SCHIP1: variants seen among roughly 807,000 people sequenced by gnomAD.
SCHIP1 encodes schwannomin-interacting protein 1.
SCHIP1 carries 8 observed loss-of-function variants against 29.7 expected under a neutral mutation model. The observed-to-expected ratio is 0.27, with a 90% CI of 0.16 to 0.49. The LOEUF is 0.49. Among genes scored for constraint, SCHIP1 ranks in the 20% least tolerant of loss-of-function variants. The pLI, the probability that SCHIP1 is intolerant of heterozygous loss-of-function variation, is 0.99. For synonymous variants in SCHIP1, 76 were observed against 94.9 expected, an observed-to-expected ratio of 0.80 and a Z score of 1.16; for missense variants, 193 against 294.6, an observed-to-expected ratio of 0.66 and a Z score of 2.52.
chr3:159,579,990 A>G, the SCHIP1 span, among the ~76,000 whole-genome samples: 4 of 152,214 alleles, frequency 2.6e-5, no homozygotes, highest in Non-Finnish European at 5.9e-5. Flanking sequence ...ACTTGTGTTC[A>G]GATTTCAGAA....
the SCHIP1 span, among the ~76,000 whole-genome samples, chr3:159,705,673 G>A: frequency 6.6e-6 from 1 of 152,122 alleles, no homozygotes; most frequent in Admixed American, 6.5e-5. Flanking sequence ...CAGGATGGAT[G>A]TGAGAATGCC....
chr3:159,432,331 TGTGTGTGTGAGAGAGAGAGA>T, the SCHIP1 span, among the ~76,000 whole-genome samples: 1 of 90,258 alleles, frequency 1.1e-5, no homozygotes, highest in Non-Finnish European at 2.6e-5. Context: ...TGTGTGTGTG[TGTGTGTGTGAGAGAGAGAGA>T]GAGAGAGAGA....
the SCHIP1 span, among the ~76,000 whole-genome samples, chr3:159,528,936 C>A: frequency 6.6e-6 from 1 of 152,156 alleles, no homozygotes; most frequent in African/African-American, 2.4e-5. Flanking sequence ...GTGCACATGA[C>A]AATGTATACA....
At chr3:159,273,514 T>A in the SCHIP1 span, 1 of 1,147,832 alleles carries the variant, frequency 8.7e-7, no homozygotes, top group Non-Finnish European at 1.1e-6. Context: ...CCGAGTAGCC[T>A]TGTCTTCTCT....
rs190528134 is a variant in SCHIP1 at position 159,868,554 on chromosome 3, A to G, written c.149+2273A>G. Among the ~76,000 whole-genome samples the G allele has an allele frequency of 6.6e-5, 10 of 152,226 alleles. No homozygotes were observed. In the East Asian group the frequency reaches 1.7e-3, roughly 26 times the overall value. On this transcript the variant is annotated intron_variant, in intron 2 of 6. Transcript: ENST00000445224. ...TAAGATCAAGTGTAAATTATGCATTATTCCCACTGAACCACGTAGTAAACT... is the reference window on the plus strand; with the variant it reads ...TAAGATCAAGTGTAAATTATGCATTGTTCCCACTGAACCACGTAGTAAACT...
At chr3:159,372,304 T>TAAAG in the SCHIP1 span, among the ~76,000 whole-genome samples, 1 of 152,096 alleles carries the variant, frequency 6.6e-6, no homozygotes, top group Non-Finnish European at 1.5e-5. Flanking sequence ...GAGCTTAAAA[T>TAAAG]AAAGACCTTC....
the SCHIP1 span, among the ~76,000 whole-genome samples, chr3:159,457,987 G>A: frequency 1.3e-5 from 2 of 152,116 alleles, no homozygotes; most frequent in African/African-American, 4.8e-5. Context: ...TTTAAAGAAT[G>A]TTGGCAAAAA....
the SCHIP1 span, among the ~76,000 whole-genome samples, chr3:159,311,669 T>C: frequency 6.6e-6 from 1 of 152,146 alleles, no homozygotes; most frequent in Non-Finnish European, 1.5e-5. Context: ...TTCTAATTAT[T>C]GTGATTTGTA....
At chr3:159,655,685 T>G in the SCHIP1 span, among the ~76,000 whole-genome samples, 1 of 152,052 alleles carries the variant, frequency 6.6e-6, no homozygotes, top group Non-Finnish European at 1.5e-5. Context: ...GTCAGGTGTT[T>G]GAGACAAGCC....
the SCHIP1 span, among the ~76,000 whole-genome samples, chr3:159,422,680 T>C: frequency 6.6e-6 from 1 of 152,254 alleles, no homozygotes; most frequent in Admixed American, 6.5e-5. Context: ...TTGTTCTTTA[T>C]GTAAATGGAA....
At chr3:159,765,890 A>T in the SCHIP1 span, 1 of 152,236 alleles carries the variant, frequency 6.6e-6, no homozygotes, top group African/African-American at 2.4e-5. Context: ...GCCTCAATTC[A>T]GGAAAGCCAG....
At chr3:159,594,658 C>G in the SCHIP1 span, among the ~76,000 whole-genome samples, 1 of 152,156 alleles carries the variant, frequency 6.6e-6, no homozygotes, top group Non-Finnish European at 1.5e-5. Context: ...CTAGAAAATC[C>G]ATTAATAACA....
At chr3:159,574,652 A>C in the SCHIP1 span, among the ~76,000 whole-genome samples, 2 of 152,240 alleles carry the variant, frequency 1.3e-5, no homozygotes, top group Non-Finnish European at 1.5e-5. Context: ...CAGAGCTGTC[A>C]GACAGGAATG....
Position 159,861,533 on chromosome 3 carries a change from T to C in SCHIP1, c.31-4630T>C, listed in dbSNP as rs552502012. Among the ~76,000 whole-genome samples the C allele has an allele frequency of 1.3e-5, 2 of 152,262 alleles. No individual in the cohort carries two copies. Among genetic ancestry groups the C allele is most frequent in the South Asian group, 2.1e-4 (1 of 4,822 alleles). ...GCTTGCATGGCATCATTGAAAGTCA[T>C]TGTGAGCCTCATCTGCTCAGGCACA... On this transcript the variant is annotated intron_variant, in intron 1 of 6. Coordinates refer to ENST00000445224, the Ensembl canonical transcript of SCHIP1. The surrounding 1 kb of genome is among the most constrained non-coding windows in gnomAD (Gnocchi z 4.1).
chr3:159,344,099 G>A, the SCHIP1 span, among the ~76,000 whole-genome samples: 1 of 152,088 alleles, frequency 6.6e-6, no homozygotes, highest in Admixed American at 6.6e-5. Context: ...TTGGGAGGCT[G>A]GGGCGGGCAG....
At chr3:159,582,501 T>A in the SCHIP1 span, among the ~76,000 whole-genome samples, 3 of 152,114 alleles carry the variant, frequency 2.0e-5, no homozygotes, top group Admixed American at 2.0e-4. Context: ...TTTTTAGCAA[T>A]AAAGTATTTT....
chr3:159,796,046 A>G, the SCHIP1 span, among the ~76,000 whole-genome samples: 1 of 152,234 alleles, frequency 6.6e-6, no homozygotes, highest in African/African-American at 2.4e-5. Flanking sequence ...AGATTAGGTG[A>G]ACCACAGACA....
At chr3:159,584,535 C>T in the SCHIP1 span, among the ~76,000 whole-genome samples, 2 of 152,242 alleles carry the variant, frequency 1.3e-5, no homozygotes, top group Admixed American at 6.5e-5. Flanking sequence ...ATTTTTCTAG[C>T]CGGAGTTACA....
intron 6 of SCHIP1, chr3:159,893,799 A>G (rs890178622): frequency 6.6e-6 from 1 of 152,044 alleles, no homozygotes; most frequent in Non-Finnish European, 1.5e-5. Context: ...CAGTCCTACC[A>G]TGGGCCCCAG....
Sources: gnomAD v4.1 joint callset for allele counts (sites outside exome capture counted in the v4.1 genomes callset) on GRCh38, gnomAD v4.1.1 for gene constraint, Gnocchi (gnomAD v3.1) non-coding constraint, MANE v1.5 for transcripts, NCBI Gene and HGNC (gene_info 2026-07-23, HGNC 2026-07-21) for gene names.